The following PALMD variants were observed in gnomAD, a reference collection of about 807,000 sequenced individuals.
PALMD encodes the protein palmdelphin, also known as paralemmin-like protein.
In PALMD, 42 loss-of-function variants were observed where a neutral mutation model predicts 56.2. The ratio of observed to expected loss-of-function variants is 0.75; its 90% CI spans 0.58 to 0.97. The LOEUF (loss-of-function observed/expected upper bound fraction) is 0.97, where lower values mean the gene tolerates loss of function less well. PALMD is among the 50% of genes least tolerant of loss of function. The pLI is 0.00. For synonymous variants in PALMD, 242 were observed against 222.9 expected (o/e 1.09, Z -0.76); for missense variants, 660 against 643.8 (o/e 1.03, Z -0.27).
At chr1:99,676,747 T>C (rs1465488807) in intron 3 of PALMD, among the ~76,000 whole-genome samples, 1 of 152,102 alleles carries the variant, frequency 6.6e-6, no homozygotes, top group East Asian at 1.9e-4. Context: ...GTTTGTTATA[T>C]TTTGATGAAA....
chr1:99,686,871 C>G, intron 4 of PALMD, 59 bp from the exon 5 acceptor site: 5 of 1,380,348 alleles, frequency 3.6e-6, no homozygotes, highest in Non-Finnish European at 4.1e-6. Flanking sequence ...AAAGCATATC[C>G]ACATTTAGAT....
At chr1:99,692,392 G>T (rs1049386234) in intron 7 of PALMD, among the ~76,000 whole-genome samples, 3 of 152,130 alleles carry the variant, frequency 2.0e-5, no homozygotes, top group African/African-American at 4.8e-5. Context: ...CATCTAAAAT[G>T]CTATGGGAAG....
chr1:99,646,236 C>T lies in PALMD; in HGVS notation c.-82C>T. The stretch of plus-strand genomic sequence containing the variant: ...TTCTCCCTGCTTCTCTTCTGTCACC[C>T]CCGCTCCTCTCCCCCAGGAGGCTCC... On this transcript the variant is annotated 5_prime_UTR_variant, in exon 1 of 8. Transcript: ENST00000263174. 1 of 1,079,236 alleles carries T rather than the reference C, an allele frequency of 9.3e-7. No homozygotes were observed. The allele number at this position is 1,079,236 out of a possible 1,614,324, so 66.9% of individuals were successfully genotyped here.
intron 2 of PALMD, 192 bp from the exon 3 acceptor site, chr1:99,667,450 A>T: frequency 1.7e-6 from 1 of 580,360 alleles, no homozygotes; most frequent in Non-Finnish European, 3.1e-6. Context: ...TAGATGCATA[A>T]AACCTGGCTT....
At chr1:99,647,068 A>G (rs947788820) in intron 1 of PALMD, among the ~76,000 whole-genome samples, 2 of 152,200 alleles carry the variant, frequency 1.3e-5, no homozygotes, top group African/African-American at 4.8e-5. Flanking sequence ...GTTCCGGGAA[A>G]AAGTCAAAGC....
chr1:99,658,247 TG>T (rs1388804342), intron 1 of PALMD, among the ~76,000 whole-genome samples: 1 of 148,328 alleles, frequency 6.7e-6, no homozygotes, highest in East Asian at 2.0e-4. Context: ...GAGGTTGTAG[TG>T]AGTTAAGATT....
intron 3 of PALMD, among the ~76,000 whole-genome samples, chr1:99,673,403 T>C (rs1173737225): frequency 6.6e-6 from 1 of 152,138 alleles, no homozygotes; most frequent in African/African-American, 2.4e-5. Context: ...TCTAGATGTT[T>C]CTGCCTTCCT....
intron 1 of PALMD, among the ~76,000 whole-genome samples, chr1:99,648,796 A>G (rs558032987): frequency 6.6e-6 from 1 of 151,690 alleles, no homozygotes; most frequent in South Asian, 2.1e-4. Context: ...CTAAAAAGTC[A>G]TTATTTTTCA....
At chr1:99,693,794 A>G (rs1445978918) in intron 7 of PALMD, among the ~76,000 whole-genome samples, 4 of 152,124 alleles carry the variant, frequency 2.6e-5, no homozygotes, top group Admixed American at 2.6e-4. Flanking sequence ...AATTTTTCTA[A>G]TCTTTATAGA....
At chr1:99,674,322 A>G (rs1040130161) in intron 3 of PALMD, among the ~76,000 whole-genome samples, 8 of 152,122 alleles carry the variant, frequency 5.3e-5, no homozygotes, top group South Asian at 2.1e-4. Flanking sequence ...ACTCCACTTC[A>G]ATTTATTTAA....
At chr1:99,675,189 G>T (rs1237657074) in intron 3 of PALMD, among the ~76,000 whole-genome samples, 1 of 152,132 alleles carries the variant, frequency 6.6e-6, no homozygotes, top group Middle Eastern at 3.2e-3. Context: ...AAGCAAAAAT[G>T]AAGTAGATAA....
intron 1 of PALMD, among the ~76,000 whole-genome samples, chr1:99,652,332 G>A (rs1448907610): frequency 6.6e-6 from 1 of 152,128 alleles, no homozygotes; most frequent in African/African-American, 2.4e-5. Context: ...GGCTGGGCAT[G>A]GTAGCTCATG....
chr1:99,653,411 GA>G lies in PALMD; in HGVS notation c.45+7056del, dbSNP rs532852358. ...AACAAACAAGATAGGGTAGACAAAG[GA>G]AAAAAAGAGTAAAACACACGCTGGA... On this transcript the variant is annotated intron_variant, in intron 1 of 7. Transcript: ENST00000263174. Among the ~76,000 whole-genome samples, 632 of 151,956 alleles carry G rather than the reference GA, an allele frequency of 4.2e-3. 8 individuals are homozygous for G. The highest frequency in any genetic ancestry group is 0.014 in the African/African-American group (596 of 41,514).
chr1:99,651,700 C>T (rs536597817), intron 1 of PALMD, among the ~76,000 whole-genome samples: 67 of 152,266 alleles, frequency 4.4e-4, no homozygotes, highest in African/African-American at 1.5e-3. Context: ...TACCCAGAAC[C>T]CTGTGGCATG....
At chr1:99,651,301 T>A (rs1571057693) in intron 1 of PALMD, among the ~76,000 whole-genome samples, 1 of 152,236 alleles carries the variant, frequency 6.6e-6, no homozygotes, top group Admixed American at 6.5e-5. Context: ...ATAGTTTTGA[T>A]AGCTCATTAA....
intron 2 of PALMD, among the ~76,000 whole-genome samples, chr1:99,662,684 A>C (rs1000517794): frequency 2.0e-5 from 3 of 152,146 alleles, no homozygotes; most frequent in Non-Finnish European, 2.9e-5. Flanking sequence ...AGCCTTGAGA[A>C]TTTGGCCCTG....
chr1:99,677,277 G>T (rs1431950292), intron 3 of PALMD, among the ~76,000 whole-genome samples: 3 of 152,004 alleles, frequency 2.0e-5, no homozygotes, highest in South Asian at 2.1e-4. Context: ...CTCATAAAAT[G>T]TGTCACACTA....
intron 3 of PALMD, chr1:99,684,522 T>A (rs1356916820): frequency 6.7e-6 from 1 of 149,004 alleles, no homozygotes; most frequent in East Asian, 2.0e-4. Flanking sequence ...TGAGTTTTAT[T>A]GTTTGTTTGT....
intron 1 of PALMD, among the ~76,000 whole-genome samples, chr1:99,660,097 C>T (rs556953745): frequency 4.6e-5 from 7 of 152,342 alleles, no homozygotes; most frequent in African/African-American, 7.2e-5. Flanking sequence ...GGGCTTTTCA[C>T]GGAGAGCTAG....
Sources: allele counts gnomAD v4.1 joint callset (sites outside exome capture counted in the v4.1 genomes callset), GRCh38; gene constraint gnomAD v4.1.1; transcripts MANE v1.5; gene names NCBI Gene and HGNC (gene_info 2026-07-23, HGNC 2026-07-21).